Variants in SETD5 observed in about 807,000 individuals in gnomAD.
The protein encoded by SETD5 is SET domain containing 5, also known as histone-lysine N-methyltransferase SETD5.
A neutral mutation model predicts 153.3 loss-of-function variants in SETD5; 44 were observed. The observed-to-expected ratio is 0.29, with a 90% CI of 0.23 to 0.37. The LOEUF (loss-of-function observed/expected upper bound fraction) is 0.37, where lower values mean the gene tolerates loss of function less well. SETD5 is among the 10% of genes least tolerant of loss of function. SETD5 has a pLI of 1.00. For missense variants in SETD5, 1,544 were observed against 1,768.0 expected (o/e 0.87, Z 2.27); for synonymous variants, 716 against 645.2 (o/e 1.11, Z -1.66).
Position 9,475,006 on chromosome 3 carries a change from G to A in SETD5, c.3632-62G>A. 4 of 1,415,228 alleles carry A rather than the reference G, an allele frequency of 2.8e-6. No individual in the cohort carries two copies. The South Asian group carries it at 3.8e-5, about 13-fold the overall frequency. The allele number at this position is 1,415,228 out of a possible 1,614,324, so 87.7% of individuals were successfully genotyped here. ...GGCACTGGTGATTTAAATGAAAAAT[G>A]GCTCTTTCTTACTTATTCTAAGAAG... is the stretch of plus-strand genomic sequence containing the variant. On this transcript the variant is annotated intron_variant, in intron 21 of 22. Transcript: ENST00000402198.
intron 17 of SETD5, among the ~76,000 whole-genome samples, chr3:9,462,819 T>G (rs1039791266): frequency 1.2e-4 from 19 of 152,122 alleles, no homozygotes; most frequent in African/African-American, 4.6e-4. Flanking sequence ...TTTCTCACCT[T>G]TAATATGGGG....
intron 16 of SETD5, among the ~76,000 whole-genome samples, chr3:9,450,533 G>A (rs1258787753): frequency 6.6e-6 from 1 of 152,106 alleles, no homozygotes; most frequent in African/African-American, 2.4e-5. Context: ...AATAGAATTT[G>A]GCTTTATAGC....
intron 21 of SETD5, 53 bp from the exon 22 acceptor site, chr3:9,475,015 T>A: frequency 6.7e-7 from 1 of 1,485,496 alleles, no homozygotes; most frequent in Non-Finnish European, 9.2e-7. Context: ...TGGCTCTTTC[T>A]TACTTATTCT....
intron 7 of SETD5, 39 bp from the exon 8 acceptor site, chr3:9,440,417 C>T (rs1320623493): frequency 9.0e-7 from 1 of 1,107,986 alleles, no homozygotes; most frequent in Non-Finnish European, 1.4e-6. Context: ...TCTATTTATG[C>T]ATGGACTTTA....
intron 18 of SETD5, among the ~76,000 whole-genome samples, chr3:9,468,248 G>T (rs552697529): frequency 3.3e-5 from 5 of 151,928 alleles, no homozygotes; most frequent in Admixed American, 6.6e-5. Context: ...CTCTTTCCTT[G>T]TATGTGCTTG....
chr3:9,459,188 A>T (rs905545788), intron 17 of SETD5, among the ~76,000 whole-genome samples: 2 of 152,204 alleles, frequency 1.3e-5, no homozygotes, highest in African/African-American at 4.8e-5. Context: ...AAATTTGTTC[A>T]GCAGCTTCAG....
chr3:9,463,713 A>G (rs2044239896), intron 17 of SETD5, among the ~76,000 whole-genome samples: 1 of 152,242 alleles, frequency 6.6e-6, no homozygotes. Context: ...GAAAAGGGAC[A>G]CACATATATA....
chr3:9,438,861 A>T (rs1299504305), intron 7 of SETD5, among the ~76,000 whole-genome samples: 1 of 152,168 alleles, frequency 6.6e-6, no homozygotes, highest in Admixed American at 6.6e-5. Context: ...CTCAGTTGAG[A>T]TTATCAAAAA....
chr3:9,408,879 T>C (rs1009587332), intron 1 of SETD5, among the ~76,000 whole-genome samples: 2 of 152,158 alleles, frequency 1.3e-5, no homozygotes, highest in African/African-American at 4.8e-5. Flanking sequence ...TTTATTAATA[T>C]TAAAATAACA....
At chr3:9,412,396 T>TTTG (rs1559357101) in intron 1 of SETD5, among the ~76,000 whole-genome samples, 1 of 139,182 alleles carries the variant, frequency 7.2e-6, no homozygotes, top group African/African-American at 2.6e-5. Flanking sequence ...GGTTTTTTTT[T>TTTG]TTTTTTTTTT....
chr3:9,399,040 A>G (rs2034282892), intron 1 of SETD5, among the ~76,000 whole-genome samples: 1 of 152,146 alleles, frequency 6.6e-6, no homozygotes, highest in African/African-American at 2.4e-5. Context: ...CTTTGTCTAT[A>G]TTTAAGTTCA....
rs201642422 is a variant in SETD5 at position 9,420,832 on chromosome 3, A to ATTT, written c.-176-3626_-176-3624dup. Among the ~76,000 whole-genome samples, 153 of 142,088 alleles carry ATTT rather than the reference A, an allele frequency of 1.1e-3. 1 individual carries two copies. The highest frequency in any genetic ancestry group is 3.7e-3 in the African/African-American group (145 of 39,462). The allele number at this position is 142,088 out of a possible 152,430, so 93.2% of individuals were successfully genotyped here. Reference sequence around the variant, plus strand: ...TTCTTATGCTTAACACTTCTCTCTCATTTTTTTTTTTCATGTTTCTCACAT... The same window carrying ATTT: ...TTCTTATGCTTAACACTTCTCTCTCATTTTTTTTTTTTTTCATGTTTCTCACAT... On this transcript the variant is annotated intron_variant, in intron 1 of 22. Transcript: ENST00000402198.
intron 1 of SETD5, among the ~76,000 whole-genome samples, chr3:9,413,609 T>C (rs1043167442): frequency 2.0e-5 from 3 of 151,126 alleles, no homozygotes; most frequent in Non-Finnish European, 4.4e-5. Context: ...CTTATGGGAG[T>C]AATTTGTAAA....
In SETD5 at chr3:9,440,601, A is replaced by G. The variant is rs1297724254; in HGVS notation, c.713A>G (p.His238Arg). The change falls in exon 8 of 23, where the codon CAT becomes CGT. Residue 238 changes from histidine to arginine, a missense_variant. Physicochemically the swap from His to Arg is conservative, Grantham distance 29. Coordinates refer to ENST00000402198, the MANE Select transcript of SETD5 (RefSeq NM_001080517.3). ...DVQNALEQHLHSSKEFVGKPT... is the reference protein window; with the variant it reads ...DVQNALEQHLRSSKEFVGKPT... ...CAGAACGCGCTTGAACAACACCTAC[A>G]TTCTAGCAAGGAATTTGTGGGCAAA... is the stretch of plus-strand genomic sequence containing the variant. The G allele has an allele frequency of 5.0e-6, 8 of 1,613,872 alleles. No individual in the cohort carries two copies. Among genetic ancestry groups the G allele is most frequent in the South Asian group, 4.4e-5 (4 of 91,088 alleles).
At chr3:9,442,000 T>A (rs931379361) in intron 9 of SETD5, 128 bp from the exon 10 acceptor site, 5 of 747,138 alleles carry the variant, frequency 6.7e-6, no homozygotes, top group South Asian at 1.8e-5. Flanking sequence ...ACAAACGTGA[T>A]GCTTTCCCAA....
In SETD5 at chr3:9,447,045, T is replaced by C. The variant is rs532565367; in HGVS notation, c.1525-5T>C. On this transcript the variant is annotated splice_polypyrimidine_tract_variant and splice_region_variant and intron_variant, in intron 13 of 22. Coordinates refer to ENST00000402198, the MANE Select transcript of SETD5 (RefSeq NM_001080517.3). ...TCCTTCTACACCAGTACTATCTCTT[T>C]CTAGACCAGGGAAGATAGAAAGGTA... 54 of 1,607,308 alleles carry C rather than the reference T, an allele frequency of 3.4e-5. No homozygotes were observed. In the South Asian group the frequency reaches 5.6e-4, roughly 17 times the overall value.
intron 1 of SETD5, among the ~76,000 whole-genome samples, chr3:9,419,619 A>G (rs2038074892): frequency 6.6e-6 from 1 of 152,186 alleles, no homozygotes; most frequent in Non-Finnish European, 1.5e-5. Flanking sequence ...GGTAAGTAGT[A>G]ATTACTATAA....
At chr3:9,452,813 C>T (rs75387294) in intron 16 of SETD5, among the ~76,000 whole-genome samples, 5,978 of 151,832 alleles carry the variant, frequency 0.039, 155 homozygotes, top group Middle Eastern at 0.068. Flanking sequence ...TAATAATTCA[C>T]CTTTGCTCTT....
intron 18 of SETD5, among the ~76,000 whole-genome samples, chr3:9,469,681 T>A (rs904671928): frequency 3.3e-5 from 5 of 152,224 alleles, no homozygotes; most frequent in Admixed American, 2.0e-4. Flanking sequence ...CCATTCTTTG[T>A]CGGTTAGCTG....
Sources: allele counts gnomAD v4.1 joint callset (sites outside exome capture counted in the v4.1 genomes callset), GRCh38; gene constraint gnomAD v4.1.1; transcripts MANE v1.5; gene names NCBI Gene and HGNC (gene_info 2026-07-23, HGNC 2026-07-21).